Variants in AFF1 observed in about 807,000 individuals in gnomAD.
AFF1 encodes the protein ALF transcription elongation factor 1.
Under a neutral mutation model 121.7 loss-of-function variants are expected in AFF1, and 48 were observed. The observed-to-expected ratio is 0.39, with a 90% confidence interval of 0.31 to 0.50. The LOEUF (loss-of-function observed/expected upper bound fraction) is 0.50. Ranked by LOEUF, AFF1 falls within the 20% of genes least tolerant of loss-of-function variation. The pLI is 0.76. For synonymous variants in AFF1, 613 were observed against 563.0 expected (o/e 1.09, Z -1.26); for missense variants, 1,523 against 1,511.7 (o/e 1.01, Z -0.12).
chr4:87,089,400 A>C (rs772006195), intron 5 of AFF1, among the ~76,000 whole-genome samples: 1 of 152,240 alleles, frequency 6.6e-6, no homozygotes, highest in Non-Finnish European at 1.5e-5. Flanking sequence ...AAGCTTCTCA[A>C]TGGAAAAGAA....
chr4:87,020,924 C>CT, intron 2 of AFF1: 2 of 800,124 alleles, frequency 2.5e-6, no homozygotes, highest in Non-Finnish European at 1.5e-6. Flanking sequence ...AGATGTGTAT[C>CT]TTTTAATATA....
chr4:86,982,067 T>G (rs1461587137), intron 2 of AFF1, among the ~76,000 whole-genome samples: 1 of 152,166 alleles, frequency 6.6e-6, no homozygotes, highest in African/African-American at 2.4e-5. Context: ...GTTAATGAAG[T>G]TACAGAAGAA....
At chr4:87,127,166 T>TCCCCCCCCCCCCCC (rs367995603) in intron 15 of AFF1, 49 bp downstream of exon 15, 2 of 1,012,588 alleles carry the variant, frequency 2.0e-6, no homozygotes, top group Admixed American at 2.4e-5. Context: ...TTGTTTTGCT[T>TCCCCCCCCCCCCCC]CCCCCCCCCA....
At chr4:87,008,226 C>T (rs558101453) in intron 2 of AFF1, among the ~76,000 whole-genome samples, 51 of 152,284 alleles carry the variant, frequency 3.3e-4, no homozygotes, top group African/African-American at 1.2e-3. Context: ...TGCTAGAAAG[C>T]AGTTTGGTCT....
intron 2 of AFF1, among the ~76,000 whole-genome samples, chr4:87,018,756 A>G (rs894622300): frequency 1.3e-5 from 2 of 152,390 alleles, no homozygotes; most frequent in Admixed American, 6.5e-5. Flanking sequence ...AGTGAGTACC[A>G]TAACAACCTA....
chr4:87,020,258 A>G (rs186169083), intron 2 of AFF1, among the ~76,000 whole-genome samples: 12 of 152,354 alleles, frequency 7.9e-5, no homozygotes, highest in African/African-American at 1.4e-4. Flanking sequence ...GTATTGAGTT[A>G]TAGACCTTTG....
chr4:86,951,966 C>A (rs1721381411), intron 2 of AFF1, among the ~76,000 whole-genome samples: 1 of 148,406 alleles, frequency 6.7e-6, no homozygotes, highest in South Asian at 2.1e-4. Context: ...ATTGTTTCAT[C>A]ATTTTTTATT....
intron 8 of AFF1, among the ~76,000 whole-genome samples, chr4:87,103,143 G>GT (rs1287399461): frequency 1.3e-5 from 2 of 152,036 alleles, no homozygotes; most frequent in African/African-American, 4.8e-5. Context: ...AAAAGTAGAT[G>GT]TTGTACATGT....
intron 4 of AFF1, among the ~76,000 whole-genome samples, chr4:87,061,508 A>T (rs967381913): frequency 1.3e-5 from 2 of 152,250 alleles, no homozygotes; most frequent in African/African-American, 4.8e-5. Flanking sequence ...ACAGAGCGTC[A>T]GAGACTGTTA....
chr4:86,950,352 G>A (rs1185696935), intron 2 of AFF1, among the ~76,000 whole-genome samples: 2 of 152,114 alleles, frequency 1.3e-5, no homozygotes, highest in African/African-American at 2.4e-5. Context: ...CTAATTTTTG[G>A]TAGAGACGGG....
intron 2 of AFF1, among the ~76,000 whole-genome samples, chr4:86,975,299 G>A (rs1418622961): frequency 6.6e-6 from 1 of 152,074 alleles, no homozygotes; most frequent in African/African-American, 2.4e-5. Context: ...TACCCAGGCT[G>A]GAGTGCAGTG....
intron 2 of AFF1, among the ~76,000 whole-genome samples, chr4:87,024,653 C>T (rs550962960): frequency 5.9e-4 from 90 of 152,144 alleles, no homozygotes; most frequent in Non-Finnish European, 9.9e-4. Flanking sequence ...AGTACAGTGG[C>T]GCTATCTGTT....
At chr4:86,975,658 C>T (rs904934804) in intron 2 of AFF1, among the ~76,000 whole-genome samples, 12 of 151,912 alleles carry the variant, frequency 7.9e-5, no homozygotes, top group Non-Finnish European at 4.4e-5. Flanking sequence ...TTTTTTTTCT[C>T]CCCCCAAGGA....
At chr4:87,109,852 A>T (rs1370251194) in intron 11 of AFF1, among the ~76,000 whole-genome samples, 1 of 152,330 alleles carries the variant, frequency 6.6e-6, no homozygotes, top group East Asian at 1.9e-4. Flanking sequence ...TCACTTTAAT[A>T]AAAAAGGCTA....
At chr4:87,031,435 A>ATTTTTT (rs1491098607) in intron 2 of AFF1, among the ~76,000 whole-genome samples, 1 of 141,366 alleles carries the variant, frequency 7.1e-6, no homozygotes, top group Non-Finnish European at 1.5e-5. Context: ...CACTCTTAGC[A>ATTTTTT]TATGTTTTTT....
chr4:87,136,881 T>A lies in AFF1; in HGVS notation c.*1180T>A, dbSNP rs1729345125. The A allele has an allele frequency of 4.5e-6, 1 of 221,386 alleles. No homozygotes were observed. The highest frequency in any genetic ancestry group is 9.0e-6 in the Non-Finnish European group (1 of 110,586). 13.7% of individuals were successfully genotyped at this position (221,386 alleles called of 1,614,324 possible). A position where few individuals can be genotyped will look rare whatever the true frequency, so the allele number is the denominator to read the frequency against. ...CCTGAGAGGATGTAGAGATTTGGGG[T>A]GGTTGATTAGACTTTTGAAAAACTC... On this transcript the variant is annotated 3_prime_UTR_variant, in exon 21 of 21. Transcript: ENST00000395146.
chr4:87,091,012 C>T (rs1724241991), intron 6 of AFF1, among the ~76,000 whole-genome samples: 1 of 107,788 alleles, frequency 9.3e-6, no homozygotes, highest in Non-Finnish European at 1.8e-5. Flanking sequence ...GACCCCGTCT[C>T]TCTACCACCA....
intron 12 of AFF1, among the ~76,000 whole-genome samples, chr4:87,118,285 A>G (rs1727323695): frequency 7.2e-6 from 1 of 139,774 alleles, no homozygotes; most frequent in Admixed American, 7.5e-5. Context: ...AAGCCATTAG[A>G]CATGGCACCT....
chr4:87,034,751 T>C (rs936807512), intron 2 of AFF1, among the ~76,000 whole-genome samples: 5 of 152,168 alleles, frequency 3.3e-5, no homozygotes, highest in African/African-American at 1.2e-4. Flanking sequence ...GCCTGCCTTC[T>C]AGGTTTGATT....
Sources: gnomAD v4.1 joint callset for allele counts (sites outside exome capture counted in the v4.1 genomes callset) on GRCh38, gnomAD v4.1.1 for gene constraint, MANE v1.5 for transcripts, NCBI Gene and HGNC (gene_info 2026-07-23, HGNC 2026-07-21) for gene names.